NXPE4: variants seen among roughly 807,000 people sequenced by gnomAD.
NXPE4 encodes NXPE family member 4.
A neutral mutation model predicts 33.3 loss-of-function variants in NXPE4; 42 were observed. The ratio of observed to expected loss-of-function variants is 1.26; its 90% confidence interval spans 0.98 to 1.63. The LOEUF (loss-of-function observed/expected upper bound fraction) is 1.63, where lower values mean the gene tolerates loss of function less well. NXPE4 is among the 40% of genes most tolerant of loss of function. The probability of loss-of-function intolerance (pLI) is 0.00; values close to 1 mark genes in which losing one functional copy is unlikely to be tolerated. For missense variants in NXPE4, 709 were observed against 647.6 expected, an observed-to-expected ratio of 1.09 and a Z score of -1.03; for synonymous variants, 253 against 234.9, an observed-to-expected ratio of 1.08 and a Z score of -0.71.
At chr11:114,630,874 G>A in the NXPE4 span, among the ~76,000 whole-genome samples, 1 of 151,636 alleles carries the variant, frequency 6.6e-6, no homozygotes, top group East Asian at 1.9e-4. Flanking sequence ...GACATGAACA[G>A]ACACTTCTTA....
Position 114,570,806 on chromosome 11 carries a change from T to C in NXPE4, c.*132A>G, listed in dbSNP as rs1171408731. The stretch of plus-strand genomic sequence containing the variant: ...CTCATTTAGCTGAATTGGTGGCTTA[T>C]GGATCAGCCATAATGTAGATTCTCT... On this transcript the variant is annotated 3_prime_UTR_variant, in exon 6 of 6. Coordinates refer to ENST00000375478, the MANE Select transcript of NXPE4 (RefSeq NM_001077639.2). 1 of 606,642 alleles carries C rather than the reference T, an allele frequency of 1.6e-6. No individual in the cohort carries two copies. Among genetic ancestry groups the C allele is most frequent in the Non-Finnish European group, 2.9e-6 (1 of 350,786 alleles). 37.6% of individuals were successfully genotyped at this position (606,642 alleles called of 1,614,324 possible).
intron 2 of NXPE4, among the ~76,000 whole-genome samples, chr11:114,586,081 A>G (rs573743218): frequency 4.3e-4 from 65 of 152,248 alleles, no homozygotes; most frequent in African/African-American, 1.3e-3. Flanking sequence ...CAAATGTTAC[A>G]CCTGGGGTGA....
chr11:114,608,888 T>C, the NXPE4 span, among the ~76,000 whole-genome samples: 3 of 147,486 alleles, frequency 2.0e-5, no homozygotes, highest in Admixed American at 6.8e-5. Context: ...ATACCAAGTA[T>C]TGCCTCGTGG....
chr11:114,627,967 T>C, the NXPE4 span, among the ~76,000 whole-genome samples: 3 of 151,680 alleles, frequency 2.0e-5, no homozygotes, highest in Admixed American at 1.3e-4. Flanking sequence ...CAAGAAGAGC[T>C]AACTATCCTA....
chr11:114,574,256 T>C (rs527721719), intron 5 of NXPE4, among the ~76,000 whole-genome samples: 23 of 151,940 alleles, frequency 1.5e-4, no homozygotes, highest in African/African-American at 5.5e-4. Context: ...TACATAAAAG[T>C]CTGAGAGGGC....
chr11:114,654,648 C>G, the NXPE4 span, among the ~76,000 whole-genome samples: 1 of 152,050 alleles, frequency 6.6e-6, no homozygotes, highest in African/African-American at 2.4e-5. Context: ...AAAAAGACAT[C>G]TCGTTCCTTT....
the NXPE4 span, among the ~76,000 whole-genome samples, chr11:114,618,596 A>G: frequency 6.6e-6 from 1 of 151,982 alleles, no homozygotes; most frequent in African/African-American, 2.4e-5. Context: ...AACAACTGTT[A>G]CCCTGTGGAT....
the NXPE4 span, among the ~76,000 whole-genome samples, chr11:114,658,193 A>G: frequency 6.6e-6 from 1 of 152,228 alleles, no homozygotes; most frequent in Admixed American, 6.5e-5. Flanking sequence ...ATCTAGCTTA[A>G]AATCTAATGA....
chr11:114,588,009 C>A (rs1034928246), intron 2 of NXPE4, among the ~76,000 whole-genome samples: 14 of 152,270 alleles, frequency 9.2e-5, no homozygotes, highest in African/African-American at 3.4e-4. Context: ...TAGGTACAGG[C>A]TTTCTTTGCC....
chr11:114,585,804 C>T (rs2135253395), intron 2 of NXPE4, among the ~76,000 whole-genome samples: 1 of 152,230 alleles, frequency 6.6e-6, no homozygotes, highest in South Asian at 2.1e-4. Context: ...AAGCTGCAAA[C>T]ATAGATAAGC....
At chr11:114,613,135 C>G in the NXPE4 span, among the ~76,000 whole-genome samples, 16 of 147,566 alleles carry the variant, frequency 1.1e-4, no homozygotes, top group African/African-American at 3.5e-4. Flanking sequence ...ATAATAAGTA[C>G]TGCCTCATAG....
chr11:114,589,629 A>G (rs1949394749), intron 2 of NXPE4, among the ~76,000 whole-genome samples: 1 of 152,200 alleles, frequency 6.6e-6, no homozygotes, highest in Non-Finnish European at 1.5e-5. Context: ...GTGGAAGCTA[A>G]TATCAATCCA....
the NXPE4 span, among the ~76,000 whole-genome samples, chr11:114,640,513 G>T: frequency 3.3e-5 from 5 of 151,606 alleles, no homozygotes; most frequent in East Asian, 1.9e-4. Context: ...TCTAATTATA[G>T]TTCTTTGAGA....
the NXPE4 span, among the ~76,000 whole-genome samples, chr11:114,621,883 A>G: frequency 1.3e-5 from 2 of 151,728 alleles, no homozygotes; most frequent in Admixed American, 6.6e-5. Context: ...GCTGGATAAT[A>G]AGTATTGATT....
the NXPE4 span, among the ~76,000 whole-genome samples, chr11:114,662,027 C>T: frequency 6.6e-6 from 1 of 152,124 alleles, no homozygotes; most frequent in Non-Finnish European, 1.5e-5. Context: ...TCCACCTACC[C>T]CCCGCAAGGA....
At chr11:114,598,163 C>T (rs1443803442), upstream of NXPE4, among the ~76,000 whole-genome samples, 2 of 152,160 alleles carry the variant, frequency 1.3e-5, no homozygotes, top group African/African-American at 2.4e-5. Context: ...AAGTTCAAAA[C>T]TCAGAAGAGC....
At position 114,580,281 on chromosome 11, in the gene NXPE4, C is replaced by A; in HGVS notation, c.950G>T (p.Ser317Ile). Residue 317 changes from serine (S) to isoleucine (I), a missense_variant, in exon 5 of 6, where the codon AGT becomes ATT. Ser to Ile is a moderately radical substitution (Grantham distance 142). Transcript: ENST00000375478. ...CCATGTGTTTCTCCAGACATGCCCA[C>A]TGGGGATTGTGGATGTCATTCCAAA... is the stretch of plus-strand genomic sequence containing the variant. ...CKFGMTSTIP[S>I]GHVWRNTWNP... The A allele has an allele frequency of 6.2e-7, 1 of 1,614,070 alleles. No individual in the cohort carries two copies.
the NXPE4 span, among the ~76,000 whole-genome samples, chr11:114,671,231 GATT>G: frequency 6.6e-6 from 1 of 151,314 alleles, no homozygotes; most frequent in African/African-American, 2.4e-5. Flanking sequence ...GATCAGTAGA[GATT>G]ATGCAGTCTA....
At chr11:114,612,435 G>A in the NXPE4 span, among the ~76,000 whole-genome samples, 1 of 151,638 alleles carries the variant, frequency 6.6e-6, no homozygotes, top group Non-Finnish European at 1.5e-5. Context: ...GTTGCCTCGT[G>A]GGTCACCACT....
Sources: allele counts gnomAD v4.1 joint callset (sites outside exome capture counted in the v4.1 genomes callset), GRCh38; gene constraint gnomAD v4.1.1; transcripts MANE v1.5; gene names NCBI Gene and HGNC (gene_info 2026-07-23, HGNC 2026-07-21).